Variants in CLPSL2 observed in about 807,000 individuals in gnomAD.
The protein encoded by CLPSL2 is colipase-like protein 2.
Under a neutral mutation model 7.9 loss-of-function variants are expected in CLPSL2, and 4 were observed. The observed-to-expected ratio is 0.50, with a 90% CI of 0.25 to 1.15. CLPSL2 has a LOEUF of 1.15. CLPSL2 is among the 50% of genes most tolerant of loss of function. The probability of loss-of-function intolerance (pLI) is 0.15; values close to 1 mark genes in which losing one functional copy is unlikely to be tolerated. For synonymous variants in CLPSL2, 67 were observed against 53.1 expected, an observed-to-expected ratio of 1.26 and a Z score of -1.14; for missense variants, 132 against 136.6, an observed-to-expected ratio of 0.97 and a Z score of 0.17.
chr6:35,776,788 CAGCCTGAA>C (rs1767845652), intron 1 of CLPSL2, 86 bp downstream of exon 1: 15 of 1,234,594 alleles, frequency 1.2e-5, no homozygotes, highest in Non-Finnish European at 4.2e-6. Context: ...AGGCGCCGGG[CAGCCTGAA>C]AGGGAGAGGT....
In CLPSL2 at chr6:35,777,472, G is replaced by C; in HGVS notation, c.98G>C (p.Arg33Thr). 6.2e-7 allele frequency: 1 copy of C among 1,613,610 alleles called. No individual in the cohort carries two copies. The highest frequency in any genetic ancestry group is 8.5e-7 in the Non-Finnish European group (1 of 1,179,750). Reference sequence around the variant, plus strand: ...CTGTCCCCACAGAAAATCACAGACAGGTGCTTCCACCACTCTGAGTGCTAC... The same window carrying C: ...CTGTCCCCACAGAAAATCACAGACACGTGCTTCCACCACTCTGAGTGCTAC... ...LPQYKKKITDRCFHHSECYSG... is the reference protein window; with the variant it reads ...LPQYKKKITDTCFHHSECYSG... Residue 33 changes from arginine (R) to threonine (T), a missense_variant, in exon 2 of 3, where the codon AGG (arginine) becomes ACG (threonine). Transcript: ENST00000403376.
chr6:35,777,397 T>C (rs1767859175), intron 1 of CLPSL2, 62 bp from the exon 2 acceptor site: 8 of 881,468 alleles, frequency 9.1e-6, no homozygotes, highest in South Asian at 1.3e-5. Context: ...AACCCTCCCC[T>C]ACCCGCCCAC....
chr6:35,777,403 C>T, intron 1 of CLPSL2, 56 bp from the exon 2 acceptor site: 1 of 1,592,676 alleles, frequency 6.3e-7, no homozygotes, highest in Non-Finnish European at 8.6e-7. Context: ...CCCCTACCCG[C>T]CCACACGACT....
In CLPSL2 at chr6:35,777,487, C is replaced by CT; in HGVS notation, c.114dup (p.Glu39Ter). 2 of 1,613,828 alleles carry CT rather than the reference C, an allele frequency of 1.2e-6. No individual in the cohort carries two copies. The highest frequency in any genetic ancestry group is 1.3e-5 in the African/African-American group (1 of 75,054). On this transcript the variant is annotated frameshift_variant, in exon 2 of 3. Coordinates refer to ENST00000403376, the MANE Select transcript of CLPSL2 (RefSeq NM_207409.4). LOFTEE classifies it high-confidence loss of function. ...ATCACAGACAGGTGCTTCCACCACT[C>CT]TGAGTGCTACAGTGGCTGCTGCCTC...
intron 1 of CLPSL2, among the ~76,000 whole-genome samples, chr6:35,777,200 A>C (rs1449213263): frequency 2.0e-5 from 3 of 151,500 alleles, no homozygotes; most frequent in Non-Finnish European, 4.4e-5. Context: ...ACCCCATGGG[A>C]CTCATGGAGG....
intron 2 of CLPSL2, 147 bp downstream of exon 2, chr6:35,777,728 A>G: frequency 1.1e-6 from 1 of 919,830 alleles, no homozygotes. Flanking sequence ...TCATGGTGCA[A>G]AACAACTCCA....
intron 2 of CLPSL2, chr6:35,777,914 T>A (rs776817581): frequency 1.4e-6 from 1 of 717,408 alleles, no homozygotes; most frequent in South Asian, 1.5e-5. Flanking sequence ...TACCCCCAGC[T>A]TAGTATCTGC....
intron 2 of CLPSL2, 81 bp downstream of exon 2, chr6:35,777,662 GT>G: frequency 6.9e-7 from 1 of 1,444,430 alleles, no homozygotes; most frequent in Non-Finnish European, 9.3e-7. Context: ...GGCCCCACCT[GT>G]TTTTTCACCT....
rs1185550624 is a variant in CLPSL2 at position 35,777,390 on chromosome 6, C to G, written c.85-69C>G. ...TGGGCTCTTTGGCAATGGTGGGAACCCTCCCCTACCCGCCCACACGACTCA... is the reference window on the plus strand; with the variant it reads ...TGGGCTCTTTGGCAATGGTGGGAACGCTCCCCTACCCGCCCACACGACTCA... On this transcript the variant is annotated intron_variant, in intron 1 of 2. Transcript: ENST00000403376. 3.9e-6 allele frequency: 6 copies of G among 1,544,498 alleles called. No homozygotes were observed. In the African/African-American group the frequency reaches 8.1e-5, roughly 21 times the overall value.
At chr6:35,778,390 T>G (rs944237774) in intron 2 of CLPSL2, among the ~76,000 whole-genome samples, 3 of 152,256 alleles carry the variant, frequency 2.0e-5, no homozygotes, top group Admixed American at 6.5e-5. Flanking sequence ...AGCATGGCAC[T>G]GCAGTGGCAG....
At chr6:35,777,734 C>A in intron 2 of CLPSL2, 153 bp downstream of exon 2, 1 of 830,182 alleles carries the variant, frequency 1.2e-6, no homozygotes, top group Non-Finnish European at 2.0e-6. Context: ...TGCAAAACAA[C>A]TCCAGCCACC....
At chr6:35,776,816 A>G in intron 1 of CLPSL2, 114 bp downstream of exon 1, 1 of 948,060 alleles carries the variant, frequency 1.1e-6, no homozygotes, top group African/African-American at 1.7e-5. Flanking sequence ...TGGGTCCGGA[A>G]CCACACCCAG....
rs548350472 is a variant in CLPSL2, at chr6:35,777,798, C to T, written c.207+217C>T. On this transcript the variant is annotated intron_variant, in intron 2 of 2. Transcript: ENST00000403376. ...CTCCTGTACCCTGGGGTCAGACCCT[C>T]AGCAGACCATGTATCTCCCTAACTG... 1.5e-5 allele frequency: 11 copies of T among 719,220 alleles called. No homozygotes were observed. In the East Asian group the frequency reaches 2.7e-4, roughly 18 times the overall value. The allele number at this position is 719,220 out of a possible 1,614,324, so 44.6% of individuals were successfully genotyped here.
At position 35,776,639 on chromosome 6, in the gene CLPSL2, C is replaced by G; in HGVS notation, c.21C>G (p.Leu7=). The change falls in exon 1 of 3, where the codon CTC becomes CTG. Residue 7 remains leucine (L), a synonymous_variant. Coordinates refer to ENST00000403376, the MANE Select transcript of CLPSL2 (RefSeq NM_207409.4). MAAALA[L]VAGVLSGAVL... ...GGCCCATGGCCGCAGCCCTGGCGCT[C>G]GTGGCGGGGGTCCTGTCGGGGGCGG... 2.0e-6 allele frequency: 3 copies of G among 1,498,088 alleles called. No homozygotes were observed. Among genetic ancestry groups the G allele is most frequent in the Non-Finnish European group, 1.8e-6 (2 of 1,131,188 alleles). The allele number at this position is 1,498,088 out of a possible 1,614,324, so 92.8% of individuals were successfully genotyped here.
chr6:35,778,133 T>C (rs1421566561), intron 2 of CLPSL2, among the ~76,000 whole-genome samples: 1 of 152,172 alleles, frequency 6.6e-6, no homozygotes, highest in African/African-American at 2.4e-5. Context: ...TTTTCGTATC[T>C]TTGGTAGAGA....
chr6:35,777,755 A>G, intron 2 of CLPSL2, 174 bp downstream of exon 2: 1 of 763,692 alleles, frequency 1.3e-6, no homozygotes, highest in Non-Finnish European at 2.3e-6. Flanking sequence ...TCCTCTGAGA[A>G]GGCTTCCCTC....
In CLPSL2 at chr6:35,779,471, C is replaced by T. The variant is rs755817812; in HGVS notation, c.*21C>T. ...TTTAGAGGAAGATGCAGGCTGGTCA[C>T]TGCTCCCTTGGGGCCATAGGCCCTG... On this transcript the variant is annotated 3_prime_UTR_variant, in exon 3 of 3. Coordinates refer to ENST00000403376, the MANE Select transcript of CLPSL2 (RefSeq NM_207409.4). The T allele has an allele frequency of 1.3e-6, 2 of 1,561,164 alleles. No homozygotes were observed. Among genetic ancestry groups the T allele is most frequent in the South Asian group, 1.2e-5 (1 of 84,572 alleles).
chr6:35,779,240 G>T, intron 2 of CLPSL2, 115 bp from the exon 3 acceptor site: 1 of 763,378 alleles, frequency 1.3e-6, no homozygotes, highest in Non-Finnish European at 2.1e-6. Context: ...TGTAGAGACA[G>T]CCCAGGTCTG....
chr6:35,778,615 T>C (rs995225860), intron 2 of CLPSL2, among the ~76,000 whole-genome samples: 3 of 152,120 alleles, frequency 2.0e-5, no homozygotes, highest in Non-Finnish European at 4.4e-5. Context: ...CTTTTAGGAA[T>C]GCAGGGAGCA....
Sources: allele counts gnomAD v4.1 joint callset (sites outside exome capture counted in the v4.1 genomes callset), GRCh38; gene constraint gnomAD v4.1.1; transcripts MANE v1.5; gene names NCBI Gene and HGNC (gene_info 2026-07-23, HGNC 2026-07-21).